Variants in WDR17 observed in about 807,000 individuals in gnomAD.
WDR17 encodes the protein WD repeat-containing protein 17.
Under a neutral mutation model 161.7 loss-of-function variants are expected in WDR17, and 143 were observed. The ratio of observed to expected loss-of-function variants is 0.88; its 90% CI spans 0.77 to 1.02. The LOEUF is 1.02. Among genes scored for constraint, WDR17 ranks in the 50% least tolerant of loss-of-function variants. The probability of loss-of-function intolerance (pLI) is 0.00; values close to 1 mark genes in which losing one functional copy is unlikely to be tolerated. For synonymous variants in WDR17, 517 were observed against 515.6 expected (o/e 1.00, Z -0.04); for missense variants, 1,469 against 1,520.9 (o/e 0.97, Z 0.57).
intron 10 of WDR17, among the ~76,000 whole-genome samples, chr4:176,141,338 C>A (rs1265412541): frequency 1.3e-5 from 2 of 152,152 alleles, no homozygotes; most frequent in African/African-American, 2.4e-5. Context: ...AAATTTTGAA[C>A]TACCTCATTT....
At chr4:176,098,693 A>C (rs1737293463) in intron 1 of WDR17, among the ~76,000 whole-genome samples, 1 of 151,986 alleles carries the variant, frequency 6.6e-6, no homozygotes, top group African/African-American at 2.4e-5. Flanking sequence ...ATAATTTAGA[A>C]ATTCACATAT....
chr4:176,086,572 C>A (rs1424826741), intron 1 of WDR17, among the ~76,000 whole-genome samples: 1 of 151,744 alleles, frequency 6.6e-6, no homozygotes, highest in Non-Finnish European at 1.5e-5. Context: ...GGTAATATTT[C>A]TTGCCTCAAA....
chr4:176,168,839 A>C (rs1750274456), intron 23 of WDR17, 56 bp downstream of exon 23: 6 of 1,564,478 alleles, frequency 3.8e-6, no homozygotes, highest in Non-Finnish European at 3.5e-6. Flanking sequence ...GATTTAATTA[A>C]TTGTAGGTTC....
chr4:176,122,440 T>C (rs1054102744), intron 4 of WDR17, among the ~76,000 whole-genome samples: 3 of 152,166 alleles, frequency 2.0e-5, no homozygotes, highest in Non-Finnish European at 4.4e-5. Flanking sequence ...TTAACCTCAT[T>C]TATTCTGTAG....
intron 1 of WDR17, chr4:176,068,301 G>T (rs1388291074): frequency 1.3e-5 from 2 of 152,084 alleles, no homozygotes; most frequent in Non-Finnish European, 2.9e-5. Context: ...TTAATTTATA[G>T]AAATCATATG....
chr4:176,168,551 G>T (rs1267109035), intron 22 of WDR17, 121 bp from the exon 23 acceptor site: 4 of 1,187,012 alleles, frequency 3.4e-6, no homozygotes, highest in African/African-American at 1.5e-5. Flanking sequence ...TATTAATACT[G>T]TTTGTGTAAA....
intron 7 of WDR17, among the ~76,000 whole-genome samples, chr4:176,134,481 T>G (rs1744077412): frequency 6.6e-6 from 1 of 151,668 alleles, no homozygotes; most frequent in African/African-American, 2.4e-5. Context: ...ATATACCACT[T>G]TATAGTCTTG....
Position 176,169,091 on chromosome 4 carries a change from T to G in WDR17, c.3102+308T>G, listed in dbSNP as rs1227582375. 2.0e-5 allele frequency among the ~76,000 whole-genome samples: 3 copies of G among 152,046 alleles called. No individual in the cohort carries two copies. In the East Asian group the frequency reaches 5.8e-4, roughly 29 times the overall value. On this transcript the variant is annotated intron_variant, in intron 23 of 28. Coordinates refer to ENST00000508596, the MANE Select transcript of WDR17 (RefSeq NM_181265.4). ...TTGCCCAAATTAGTTAGCGGTGGAG[T>G]GAGAATTTCAACTTCAGCAAGTCTA... is the stretch of plus-strand genomic sequence containing the variant.
At chr4:176,167,661 A>AAAAC (rs373607037) in intron 22 of WDR17, among the ~76,000 whole-genome samples, 8 of 113,730 alleles carry the variant, frequency 7.0e-5, no homozygotes, top group Non-Finnish European at 1.4e-4. Flanking sequence ...AAAAAAAAAA[A>AAAAC]AAAAAAAAAA....
chr4:176,134,057 A>G (rs762985105), intron 7 of WDR17, among the ~76,000 whole-genome samples: 1 of 151,802 alleles, frequency 6.6e-6, no homozygotes, highest in Non-Finnish European at 1.5e-5. Context: ...ATGACCACAT[A>G]GGACAGCTTC....
At chr4:176,130,171 G>A (rs566354217) in intron 6 of WDR17, among the ~76,000 whole-genome samples, 11 of 152,220 alleles carry the variant, frequency 7.2e-5, no homozygotes, top group Admixed American at 4.6e-4. Context: ...AAACGTACTC[G>A]CTGAATTCTG....
intron 12 of WDR17, 79 bp downstream of exon 12, chr4:176,146,238 GAGATATAT>G: frequency 7.0e-7 from 1 of 1,433,520 alleles, no homozygotes; most frequent in South Asian, 1.4e-5. Flanking sequence ...ATATTTATAG[GAGATATAT>G]AGATATATAC....
At chr4:176,159,313 G>GGAGAGAGAGA (rs149384853) in intron 18 of WDR17, among the ~76,000 whole-genome samples, 3 of 143,778 alleles carry the variant, frequency 2.1e-5, no homozygotes, top group East Asian at 2.1e-4. Context: ...ACACACAGAT[G>GGAGAGAGAGA]GAGAGAGAGA....
chr4:176,152,294 C>CGAAAAAAAAAAAAAAAA (rs1747271721), intron 17 of WDR17, among the ~76,000 whole-genome samples: 1 of 72,164 alleles, frequency 1.4e-5, no homozygotes, highest in African/African-American at 5.4e-5. Context: ...GACCCTATCT[C>CGAAAAAAAAAAAAAAAA]AAAAAAAAAA....
At position 176,099,655 on chromosome 4, in the gene WDR17, G is replaced by T. The variant is rs72706345; in HGVS notation, c.-6-11920G>T. Among the ~76,000 whole-genome samples, 1,318 of 152,222 alleles carry T rather than the reference G, an allele frequency of 8.7e-3. 5 individuals carry two copies. The highest frequency in any genetic ancestry group is 0.024 in the Middle Eastern group (7 of 294). On this transcript the variant is annotated intron_variant, in intron 1 of 28. Transcript: ENST00000508596. ...TTTTGTTACATGCATAGATTGCACA[G>T]TGATCAAATCAGGGCTTTTAGGGTA...
chr4:176,117,378 C>T (rs1203790956), intron 3 of WDR17, among the ~76,000 whole-genome samples: 2 of 151,936 alleles, frequency 1.3e-5, no homozygotes, highest in Non-Finnish European at 2.9e-5. Flanking sequence ...AATAACACAA[C>T]AAATTTTTCT....
intron 6 of WDR17, among the ~76,000 whole-genome samples, chr4:176,129,242 G>C (rs1742972327): frequency 6.6e-6 from 1 of 152,010 alleles, no homozygotes; most frequent in Non-Finnish European, 1.5e-5. Flanking sequence ...AATCTGTACA[G>C]TTTACAACGA....
At chr4:176,086,050 TGATTCC>T (rs1436238211) in intron 1 of WDR17, among the ~76,000 whole-genome samples, 2 of 152,054 alleles carry the variant, frequency 1.3e-5, no homozygotes, top group Non-Finnish European at 2.9e-5. Flanking sequence ...ATTTCTTTTC[TGATTCC>T]AAGATTATTT....
rs376240764 is a variant in WDR17, at chr4:176,130,527, A to G, written c.914-1027A>G. 3.5e-3 allele frequency among the ~76,000 whole-genome samples: 525 copies of G among 152,144 alleles called. 2 individuals are homozygous for G. Among genetic ancestry groups the G allele is most frequent in the African/African-American group, 8.5e-3 (354 of 41,526 alleles). ...CGGGAGGCCAAGGCGGGCAGATCAC[A>G]AGGTCAGGAGATCGAGACCATCCTG... is the stretch of plus-strand genomic sequence containing the variant. On this transcript the variant is annotated intron_variant, in intron 6 of 28. Transcript: ENST00000508596.
Sources: allele counts gnomAD v4.1 joint callset (sites outside exome capture counted in the v4.1 genomes callset), GRCh38; gene constraint gnomAD v4.1.1; transcripts MANE v1.5; gene names NCBI Gene and HGNC (gene_info 2026-07-23, HGNC 2026-07-21).